CFAP54: variants seen among roughly 807,000 people sequenced by gnomAD.
The protein encoded by CFAP54 is cilia and flagella associated protein 54.
Under a neutral mutation model 370.4 loss-of-function variants are expected in CFAP54, and 290 were observed. The observed-to-expected ratio is 0.78, with a 90% CI of 0.71 to 0.86. CFAP54 has a LOEUF of 0.86. Among genes scored for constraint, CFAP54 ranks in the 40% least tolerant of loss-of-function variants. The pLI is 0.00. For missense variants in CFAP54, 3,399 were observed against 3,528.7 expected, an observed-to-expected ratio of 0.96 and a Z score of 0.93; for synonymous variants, 1,206 against 1,236.5, an observed-to-expected ratio of 0.98 and a Z score of 0.52.
chr12:96,793,801 T>C (rs1433588647), intron 63 of CFAP54, among the ~76,000 whole-genome samples: 1 of 152,240 alleles, frequency 6.6e-6, no homozygotes, highest in Non-Finnish European at 1.5e-5. Context: ...TGTATTTTCC[T>C]GATCATTAGT....
At chr12:96,595,935 A>G (rs1956173805) in intron 25 of CFAP54, among the ~76,000 whole-genome samples, 1 of 152,148 alleles carries the variant, frequency 6.6e-6, no homozygotes, top group Non-Finnish European at 1.5e-5. Flanking sequence ...GAAGGTGTTT[A>G]TCAAGGTCTT....
chr12:96,534,264 G>A (rs1226999515), intron 11 of CFAP54, 37 bp downstream of exon 11: 1 of 1,154,006 alleles, frequency 8.7e-7, no homozygotes, highest in South Asian at 1.5e-5. Context: ...AATTTAGTTT[G>A]ACGAAATATG....
chr12:96,647,472 C>CAAAAAAAAAAAAAAAAAAAAAAAAAA (rs57089692), intron 33 of CFAP54, among the ~76,000 whole-genome samples: 1 of 40,756 alleles, frequency 2.5e-5, no homozygotes, highest in African/African-American at 9.4e-5. Context: ...GACTCTGTCC[C>CAAAAAAAAAAAAAAAAAAAAAAAAAA]AAAAAAAAAA....
chr12:96,822,158 A>T (rs553642324), intron 65 of CFAP54, among the ~76,000 whole-genome samples: 1 of 152,312 alleles, frequency 6.6e-6, no homozygotes, highest in East Asian at 1.9e-4. Context: ...AGTGAACAAC[A>T]CTGGCTGTGA....
chr12:96,728,470 A>G (rs367792977), intron 50 of CFAP54, among the ~76,000 whole-genome samples: 4 of 152,268 alleles, frequency 2.6e-5, no homozygotes, highest in Admixed American at 2.0e-4. Context: ...TGATCGCATC[A>G]GCTCCTGAGG....
chr12:96,706,257 A>G (rs997295714), intron 47 of CFAP54, among the ~76,000 whole-genome samples: 2 of 152,172 alleles, frequency 1.3e-5, no homozygotes, highest in African/African-American at 4.8e-5. Flanking sequence ...ATGCTGTGGG[A>G]GAAAATAAAT....
intron 12 of CFAP54, among the ~76,000 whole-genome samples, chr12:96,537,108 G>C (rs1317541974): frequency 6.6e-6 from 1 of 152,066 alleles, no homozygotes; most frequent in African/African-American, 2.4e-5. Flanking sequence ...GAGAGCTCCA[G>C]GTTTGGTATA....
In CFAP54 at chr12:96,720,104, C is replaced by T. The variant is rs537636376; in HGVS notation, c.6805-301C>T. ...CCCCTAGGAGCAATGGCTCAGTATC[C>T]AGTAATCAGTGTTTGCAAGAACTTT... On this transcript the variant is annotated intron_variant, in intron 49 of 67. Transcript: ENST00000524981. Among the ~76,000 whole-genome samples, 4 of 152,304 alleles carry T rather than the reference C, an allele frequency of 2.6e-5. No homozygotes were observed. The South Asian group carries it at 6.2e-4, about 24-fold the overall frequency.
At chr12:96,679,448 G>T in intron 39 of CFAP54, 152 bp from the exon 40 acceptor site, 1 of 618,758 alleles carries the variant, frequency 1.6e-6, no homozygotes, top group Non-Finnish European at 2.4e-6. Context: ...AAATTGATCT[G>T]AATGTTGAAA....
At chr12:96,641,961 G>A (rs1956735347) in intron 32 of CFAP54, among the ~76,000 whole-genome samples, 1 of 151,824 alleles carries the variant, frequency 6.6e-6, no homozygotes, top group Admixed American at 6.6e-5. Flanking sequence ...ATAGCATTAG[G>A]AGATATACCT....
intron 50 of CFAP54, among the ~76,000 whole-genome samples, chr12:96,726,460 C>A (rs546070149): frequency 2.0e-5 from 3 of 152,220 alleles, no homozygotes; most frequent in Admixed American, 2.0e-4. Flanking sequence ...AGTTTATTTG[C>A]GTAGAGGTGT....
chr12:96,502,673 TG>T (rs2136349336), intron 2 of CFAP54, among the ~76,000 whole-genome samples: 1 of 152,236 alleles, frequency 6.6e-6, no homozygotes, highest in South Asian at 2.1e-4. Context: ...AGTTCAACCT[TG>T]GGCAGTTGCT....
chr12:96,592,655 A>T lies in CFAP54; in HGVS notation c.3360+18A>T, dbSNP rs1022622131. 13 of 879,812 alleles carry T rather than the reference A, an allele frequency of 1.5e-5. No individual in the cohort carries two copies. Among genetic ancestry groups the T allele is most frequent in the Non-Finnish European group, 6.3e-6 (4 of 637,490 alleles). The allele number at this position is 879,812 out of a possible 1,614,324, so 54.5% of individuals were successfully genotyped here. ...CTCAACAAGTAAGTGAATTAAAGTG[A>T]CTAAAAACATGTCAGATTCACTGTA... On this transcript the variant is annotated intron_variant, in intron 24 of 67. Coordinates refer to ENST00000524981, the MANE Select transcript of CFAP54 (RefSeq NM_001306084.2).
intron 63 of CFAP54, among the ~76,000 whole-genome samples, chr12:96,798,034 T>G (rs1480538468): frequency 6.6e-6 from 1 of 152,058 alleles, no homozygotes; most frequent in Admixed American, 6.5e-5. Context: ...CGTACTTAAC[T>G]TATTAAAATC....
chr12:96,807,516 G>A (rs1422964448), intron 63 of CFAP54, among the ~76,000 whole-genome samples: 1 of 152,140 alleles, frequency 6.6e-6, no homozygotes, highest in Non-Finnish European at 1.5e-5. Flanking sequence ...AGTCCTCAGT[G>A]TTTTTCAAAA....
chr12:96,682,385 T>G (rs80182268), intron 40 of CFAP54: 7 of 821,078 alleles, frequency 8.5e-6, no homozygotes, highest in Non-Finnish European at 1.0e-5. Flanking sequence ...TTTTTTTTTT[T>G]GAGACGAGGT....
chr12:96,511,014 A>G (rs1168964439), intron 4 of CFAP54, among the ~76,000 whole-genome samples: 1 of 151,936 alleles, frequency 6.6e-6, no homozygotes, highest in African/African-American at 2.4e-5. Flanking sequence ...GAGGTCAACA[A>G]AGCCTCGTTG....
intron 26 of CFAP54, among the ~76,000 whole-genome samples, chr12:96,602,899 A>G (rs1038627003): frequency 6.6e-6 from 1 of 152,042 alleles, no homozygotes; most frequent in Non-Finnish European, 1.5e-5. Flanking sequence ...ATGGGTCTTG[A>G]CCCTTTATCC....
chr12:96,665,254 C>T (rs1957068265), intron 39 of CFAP54, among the ~76,000 whole-genome samples: 1 of 152,054 alleles, frequency 6.6e-6, no homozygotes, highest in South Asian at 2.1e-4. Context: ...AATTGTCTCC[C>T]ACCATAGGGA....
Sources: allele counts gnomAD v4.1 joint callset (sites outside exome capture counted in the v4.1 genomes callset), GRCh38; gene constraint gnomAD v4.1.1; transcripts MANE v1.5; gene names NCBI Gene and HGNC (gene_info 2026-07-23, HGNC 2026-07-21).